COL21A1: variants seen among roughly 807,000 people sequenced by gnomAD.
COL21A1 encodes the protein collagen type XXI alpha 1 chain.
Under a neutral mutation model 137.9 loss-of-function variants are expected in COL21A1, and 149 were observed. The ratio of observed to expected loss-of-function variants is 1.08; its 90% CI spans 0.95 to 1.24. The LOEUF is 1.24. Among genes scored for constraint, COL21A1 ranks in the 50% most tolerant of loss-of-function variants. COL21A1 has a pLI of 0.00. For missense variants in COL21A1, 1,167 were observed against 1,158.4 expected (o/e 1.01, Z -0.11); for synonymous variants, 456 against 391.5 (o/e 1.16, Z -1.95).
intron 17 of COL21A1, among the ~76,000 whole-genome samples, chr6:56,098,020 T>A (rs1328135024): frequency 1.5e-5 from 1 of 65,444 alleles, no homozygotes; most frequent in Non-Finnish European, 2.6e-5. Flanking sequence ...TAAATATATA[T>A]AAATATATAT....
chr6:56,246,148 C>T (rs1473317648), intron 1 of COL21A1, among the ~76,000 whole-genome samples: 1 of 151,770 alleles, frequency 6.6e-6, no homozygotes, highest in African/African-American at 2.4e-5. Flanking sequence ...AGGCCTGCAA[C>T]ACTGAATTCC....
At chr6:56,292,672 T>A (rs1373065238) in intron 1 of COL21A1, among the ~76,000 whole-genome samples, 1 of 152,088 alleles carries the variant, frequency 6.6e-6, no homozygotes, top group Non-Finnish European at 1.5e-5. Context: ...AAATAACTGG[T>A]CAGTGCATGA....
chr6:56,109,888 C>A (rs1358878657), intron 16 of COL21A1, among the ~76,000 whole-genome samples: 1 of 152,068 alleles, frequency 6.6e-6, no homozygotes, highest in East Asian at 1.9e-4. Context: ...CACAACACAC[C>A]TGCAAAGCTC....
chr6:56,378,103 C>G (rs2094002808), intron 1 of COL21A1, among the ~76,000 whole-genome samples: 1 of 152,164 alleles, frequency 6.6e-6, no homozygotes, highest in South Asian at 2.1e-4. Context: ...ATAGGTGAGA[C>G]TCTGAGACTT....
intron 17 of COL21A1, chr6:56,091,495 A>G (rs1391606394): frequency 2.0e-5 from 3 of 152,508 alleles, no homozygotes; most frequent in South Asian, 4.1e-4. Context: ...ATATGCACTC[A>G]CCTCCATAGA....
chr6:56,124,642 G>C (rs1582420887), intron 14 of COL21A1, among the ~76,000 whole-genome samples: 1 of 151,876 alleles, frequency 6.6e-6, no homozygotes, highest in South Asian at 2.1e-4. Flanking sequence ...TTGTTTGTTT[G>C]TTTGTTTGTT....
At chr6:56,277,548 A>G (rs1359163259) in intron 1 of COL21A1, among the ~76,000 whole-genome samples, 1 of 152,258 alleles carries the variant, frequency 6.6e-6, no homozygotes, top group Non-Finnish European at 1.5e-5. Context: ...TATGCATAAT[A>G]ACTACCAAAT....
chr6:56,169,542 C>T (rs950976570), intron 5 of COL21A1, among the ~76,000 whole-genome samples: 3 of 151,836 alleles, frequency 2.0e-5, no homozygotes, highest in Non-Finnish European at 2.9e-5. Flanking sequence ...TTCCATGCAT[C>T]TTATACTGTA....
At chr6:56,219,793 C>T (rs749107427) in intron 1 of COL21A1, among the ~76,000 whole-genome samples, 2 of 152,008 alleles carry the variant, frequency 1.3e-5, no homozygotes, top group Non-Finnish European at 2.9e-5. Context: ...AATATTTTTG[C>T]CCATCTATCC....
intron 1 of COL21A1, among the ~76,000 whole-genome samples, chr6:56,347,575 T>A (rs1765624202): frequency 7.1e-6 from 1 of 141,624 alleles, no homozygotes; most frequent in South Asian, 2.3e-4. Flanking sequence ...TCAGACCAGA[T>A]AATTGAATCA....
intron 12 of COL21A1, among the ~76,000 whole-genome samples, chr6:56,133,869 G>A (rs2152226398): frequency 6.6e-6 from 1 of 152,340 alleles, no homozygotes; most frequent in South Asian, 2.1e-4. Context: ...GTCAAGAACT[G>A]AGGTTTGGGA....
chr6:56,141,650 A>G, intron 12 of COL21A1, 135 bp downstream of exon 12: 2 of 821,036 alleles, frequency 2.4e-6, no homozygotes, highest in Non-Finnish European at 4.1e-6. Context: ...ATTGTCTAAT[A>G]GCCACTGACA....
intron 1 of COL21A1, among the ~76,000 whole-genome samples, chr6:56,183,860 C>T (rs1778081236): frequency 6.6e-6 from 1 of 151,936 alleles, no homozygotes; most frequent in African/African-American, 2.4e-5. Context: ...GAAAACTATA[C>T]AAAAAGATAC....
intron 1 of COL21A1, among the ~76,000 whole-genome samples, chr6:56,359,381 A>C (rs1009750872): frequency 6.6e-6 from 1 of 152,144 alleles, no homozygotes; most frequent in African/African-American, 2.4e-5. Flanking sequence ...ACTATGACTA[A>C]AACACCGTCT....
chr6:56,387,380 C>G (rs1301827556), intron 1 of COL21A1, among the ~76,000 whole-genome samples: 1 of 152,040 alleles, frequency 6.6e-6, no homozygotes, highest in African/African-American at 2.4e-5. Flanking sequence ...CAAATAGAAC[C>G]CTTCAGCAAT....
chr6:56,357,824 G>T (rs143812404), intron 1 of COL21A1, among the ~76,000 whole-genome samples: 110 of 152,238 alleles, frequency 7.2e-4, no homozygotes, highest in African/African-American at 2.6e-3. Flanking sequence ...AGGTATCAGT[G>T]GCATGGGAGA....
intron 1 of COL21A1, among the ~76,000 whole-genome samples, chr6:56,359,388 G>T (rs1044891705): frequency 6.6e-6 from 1 of 152,114 alleles, no homozygotes; most frequent in East Asian, 1.9e-4. Context: ...CTAAAACACC[G>T]TCTGTGTTGT....
chr6:56,327,821 G>T (rs1321036174), intron 1 of COL21A1, among the ~76,000 whole-genome samples: 1 of 151,988 alleles, frequency 6.6e-6, no homozygotes, highest in African/African-American at 2.4e-5. Flanking sequence ...GTACCTACCT[G>T]CTAGGGTTGC....
chr6:56,164,863 T>A, intron 7 of COL21A1, 41 bp from the exon 8 acceptor site: 1 of 1,355,360 alleles, frequency 7.4e-7, no homozygotes, highest in Non-Finnish European at 1.0e-6. Context: ...ATGTTTTAAA[T>A]AAAATTTATA....
Sources: allele counts gnomAD v4.1 joint callset (sites outside exome capture counted in the v4.1 genomes callset), GRCh38; gene constraint gnomAD v4.1.1; transcripts MANE v1.5; gene names NCBI Gene and HGNC (gene_info 2026-07-23, HGNC 2026-07-21).